Variants in PRR14L observed in about 807,000 individuals in gnomAD.
PRR14L encodes proline rich 14 like.
Under a neutral mutation model 155.0 loss-of-function variants are expected in PRR14L, and 80 were observed. The observed-to-expected ratio is 0.52, with a 90% CI of 0.43 to 0.62. The LOEUF is 0.62. Among genes scored for constraint, PRR14L ranks in the 20% least tolerant of loss-of-function variants. The pLI is 0.00. For missense variants in PRR14L, 2,469 were observed against 2,548.0 expected, an observed-to-expected ratio of 0.97 and a Z score of 0.67; for synonymous variants, 883 against 916.0, an observed-to-expected ratio of 0.96 and a Z score of 0.65.
intron 2 of PRR14L, among the ~76,000 whole-genome samples, chr22:31,737,021 G>A (rs1224932782): frequency 1.0e-5 from 1 of 100,384 alleles, no homozygotes; most frequent in Non-Finnish European, 1.8e-5. Flanking sequence ...CTGGGAGACA[G>A]TGAGAGACTC....
chr22:31,723,427 G>C (rs948758870), intron 3 of PRR14L, among the ~76,000 whole-genome samples: 2 of 152,176 alleles, frequency 1.3e-5, no homozygotes, highest in African/African-American at 4.8e-5. Flanking sequence ...TGGTTCTCCT[G>C]TTTAAAAGGC....
chr22:31,700,219 A>G (rs911892759), intron 7 of PRR14L, among the ~76,000 whole-genome samples: 3 of 152,240 alleles, frequency 2.0e-5, no homozygotes, highest in African/African-American at 4.8e-5. Flanking sequence ...TGACTTTACT[A>G]TATTAAAACT....
intron 4 of PRR14L, among the ~76,000 whole-genome samples, chr22:31,711,619 T>TA (rs1292724998): frequency 6.7e-6 from 1 of 150,160 alleles, no homozygotes; most frequent in African/African-American, 2.5e-5. Flanking sequence ...CCGTCTCTAC[T>TA]AAAAAATACA....
At position 31,738,396 on chromosome 22, in the gene PRR14L, G is replaced by A. The variant is rs933913848; in HGVS notation, c.465C>T (p.Ser155=). ...QHSTAAEEKT[S]PSQEDLLMQS... is the part of the protein sequence containing the mutation. ...AGATTTCATTTCTTACCTGACTCGGGCTAGTCTTTTCTTCAGCAGCTGTGG... is the reference window on the plus strand; with the variant it reads ...AGATTTCATTTCTTACCTGACTCGGACTAGTCTTTTCTTCAGCAGCTGTGG... The change falls in exon 2 of 9, where the codon AGC becomes AGT. Residue 155 remains serine, a synonymous_variant. Coordinates refer to ENST00000327423, the MANE Select transcript of PRR14L (RefSeq NM_173566.3). 2 of 1,551,860 alleles carry A rather than the reference G, an allele frequency of 1.3e-6. No homozygotes were observed. The highest frequency in any genetic ancestry group is 1.7e-6 in the Non-Finnish European group (2 of 1,146,780).
rs541057535 is a variant in PRR14L, at chr22:31,748,368, T to C, written c.-52+1625A>G. The stretch of plus-strand genomic sequence containing the variant: ...CAACATGGAGCGTGCAGAAAATCTC[T>C]AAAGCATCAAGGACTATTTCCCATT... On this transcript the variant is annotated intron_variant, in intron 1 of 8. Coordinates refer to ENST00000327423, the MANE Select transcript of PRR14L (RefSeq NM_173566.3). Among the ~76,000 whole-genome samples, 4 of 152,318 alleles carry C rather than the reference T, an allele frequency of 2.6e-5. No individual in the cohort carries two copies. The South Asian group carries it at 8.3e-4, about 32-fold the overall frequency.
chr22:31,742,475 T>C (rs911490779), intron 1 of PRR14L, among the ~76,000 whole-genome samples: 4 of 152,020 alleles, frequency 2.6e-5, no homozygotes, highest in Admixed American at 6.6e-5. Context: ...TCAAGGATTA[T>C]CCTGCCTCAG....
intron 2 of PRR14L, among the ~76,000 whole-genome samples, chr22:31,735,036 T>G (rs131254): frequency 0.12 from 17,564 of 152,288 alleles, 1,155 homozygotes; most frequent in African/African-American, 0.17. Context: ...TTTTTGAAAC[T>G]GAGTACAAAA....
In PRR14L at chr22:31,713,675, T is replaced by A. The variant is rs1179063125; in HGVS notation, c.4164A>T (p.Lys1388Asn). Residue 1388 changes from lysine (K) to asparagine (N), a missense_variant, in exon 4 of 9, where the codon AAA becomes AAT. Transcript: ENST00000327423. The part of the protein sequence containing the change: ...KCRGILNHAE[K>N]QQSPEVLDYM... ...AGTCCAAAACCTCAGGGCTCTGCTG[T>A]TTTTCAGCATGATTAAGTATCCCCC... 3.2e-6 allele frequency: 5 copies of A among 1,552,102 alleles called. No homozygotes were observed. Among genetic ancestry groups the A allele is most frequent in the Non-Finnish European group, 4.4e-6 (5 of 1,147,088 alleles).
chr22:31,723,208 T>C (rs2074700370), intron 3 of PRR14L, among the ~76,000 whole-genome samples: 1 of 152,104 alleles, frequency 6.6e-6, no homozygotes, highest in Non-Finnish European at 1.5e-5. Flanking sequence ...ATCCATGGGT[T>C]TGGGGGAGAA....
In PRR14L at chr22:31,713,780, C is replaced by T. The variant is rs1407291878; in HGVS notation, c.4059G>A (p.Glu1353=). The part of the protein sequence containing the change: ...RGRLGYLTVG[E]QSEELVTRET... The stretch of plus-strand genomic sequence containing the variant: ...CTCTGGTAACCAACTCCTCAGATTG[C>T]TCCCCAACAGTTAAGTAACCCAGTC... Residue 1353 remains glutamate, a synonymous_variant, in exon 4 of 9, where the codon GAG becomes GAA. Transcript: ENST00000327423. 1.3e-6 allele frequency: 2 copies of T among 1,552,332 alleles called. No homozygotes were observed. The highest frequency in any genetic ancestry group is 4.9e-5 in the East Asian group (2 of 40,924).
In PRR14L at chr22:31,684,650, A is replaced by G. The variant is rs997979435; in HGVS notation, c.*877T>C. ...ACTAGAAGCTGGAGATGGGGAAGGG[A>G]TTGCCTGAAACACATGAATAGGAAA... On this transcript the variant is annotated 3_prime_UTR_variant, in exon 9 of 9. Transcript: ENST00000327423. 1.3e-5 allele frequency: 2 copies of G among 152,208 alleles called. No individual in the cohort carries two copies. Among genetic ancestry groups the G allele is most frequent in the Non-Finnish European group, 2.9e-5 (2 of 68,038 alleles). 9.4% of individuals were successfully genotyped at this position (152,208 alleles called of 1,614,324 possible).
At chr22:31,709,715 A>G (rs983236912) in intron 4 of PRR14L, among the ~76,000 whole-genome samples, 2 of 149,336 alleles carry the variant, frequency 1.3e-5, no homozygotes, top group Non-Finnish European at 3.0e-5. Flanking sequence ...TAATTTTTGT[A>G]TTTTTAGTAG....
Position 31,712,538 on chromosome 22 carries a change from GAAGA to G in PRR14L, c.5297_5300del (p.Phe1766SerfsTer42). On this transcript the variant is annotated frameshift_variant, in exon 4 of 9. Transcript: ENST00000327423. LOFTEE classifies it high-confidence loss of function. ...CCATCCCAGGGCAACCGTGGGACAAGAAGAAAGAAAAGGTCCACTTGGGAGGTTG... is the reference window on the plus strand; with the variant it reads ...CCATCCCAGGGCAACCGTGGGACAAGAAGAAAAGGTCCACTTGGGAGGTTG... 6.4e-7 allele frequency: 1 copy of G among 1,551,472 alleles called. No individual in the cohort carries two copies. Among genetic ancestry groups the G allele is most frequent in the Non-Finnish European group, 8.7e-7 (1 of 1,146,958 alleles).
At chr22:31,749,391 C>T (rs2074859293) in intron 1 of PRR14L, among the ~76,000 whole-genome samples, 2 of 152,106 alleles carry the variant, frequency 1.3e-5, no homozygotes, top group Admixed American at 1.3e-4. Flanking sequence ...TTTCTGATAC[C>T]ATAAAGTAAA....
chr22:31,704,833 GA>G lies in PRR14L; in HGVS notation c.5757-108del, dbSNP rs2074581545. The G allele has an allele frequency of 1.2e-5, 9 of 730,416 alleles. 1 individual carries two copies. Among genetic ancestry groups the G allele is most frequent in the Admixed American group, 2.5e-5 (1 of 39,938 alleles). 45.2% of individuals were successfully genotyped at this position (730,416 alleles called of 1,614,324 possible). ...GCACATGATAGCCCCAAGAAGACAA[GA>G]AATGTCAGTTACTCAGAAAGAGGAA... On this transcript the variant is annotated intron_variant, in intron 4 of 8. Transcript: ENST00000327423.
At chr22:31,710,460 T>C (rs1483014761) in intron 4 of PRR14L, among the ~76,000 whole-genome samples, 7 of 133,268 alleles carry the variant, frequency 5.3e-5, no homozygotes, top group Non-Finnish European at 5.0e-5. Flanking sequence ...TTAGGGATTC[T>C]TTTTTTTTTT....
In PRR14L at chr22:31,688,268, CTCTT is replaced by C. The variant is rs749519682; in HGVS notation, c.6108-45_6108-42del. 3.9e-5 allele frequency: 59 copies of C among 1,520,192 alleles called. No homozygotes were observed. The South Asian group carries it at 4.0e-4, about 10-fold the overall frequency. The allele number at this position is 1,520,192 out of a possible 1,614,324, so 94.2% of individuals were successfully genotyped here. ...GAAAAAAATTCTTCAGGTTCTCTCT[CTCTT>C]TTTTTTTTCAGAGAAGGTCTTGCTC... is the stretch of plus-strand genomic sequence containing the variant. On this transcript the variant is annotated intron_variant, in intron 7 of 8. Transcript: ENST00000327423.
Position 31,685,417 on chromosome 22 carries a change from G to T in PRR14L, c.*110C>A. 1 of 938,282 alleles carries T rather than the reference G, an allele frequency of 1.1e-6. No homozygotes were observed. Among genetic ancestry groups the T allele is most frequent in the Non-Finnish European group, 1.5e-6 (1 of 645,308 alleles). 58.1% of individuals were successfully genotyped at this position (938,282 alleles called of 1,614,324 possible). On this transcript the variant is annotated 3_prime_UTR_variant, in exon 9 of 9. Coordinates refer to ENST00000327423, the MANE Select transcript of PRR14L (RefSeq NM_173566.3). ...TGCATTTTTGAGTGGTTTGGCGGTA[G>T]GGCAAAATTAGGCAACCTTTTCCAA...
intron 2 of PRR14L, among the ~76,000 whole-genome samples, chr22:31,731,618 T>C (rs541786029): frequency 6.9e-6 from 1 of 145,120 alleles, no homozygotes; most frequent in African/African-American, 2.5e-5. Context: ...ATGGAGTTCA[T>C]GTTTGGGTCA....
Sources: allele counts gnomAD v4.1 joint callset (sites outside exome capture counted in the v4.1 genomes callset), GRCh38; gene constraint gnomAD v4.1.1; transcripts MANE v1.5; gene names NCBI Gene and HGNC (gene_info 2026-07-23, HGNC 2026-07-21).